CTIF: variants seen among roughly 807,000 people sequenced by gnomAD.
CTIF encodes cap binding complex dependent translation initiation factor.
In CTIF, 21 loss-of-function variants were observed where a neutral mutation model predicts 66.0. The observed-to-expected ratio is 0.32, with a 90% confidence interval of 0.23 to 0.46. The LOEUF (loss-of-function observed/expected upper bound fraction) is 0.46, where lower values mean the gene tolerates loss of function less well. CTIF is among the 20% of genes least tolerant of loss of function. CTIF has a pLI of 1.00. For synonymous variants in CTIF, 345 were observed against 326.4 expected (o/e 1.06, Z -0.62); for missense variants, 739 against 812.7 (o/e 0.91, Z 1.10).
chr18:48,853,253 G>GC (rs968907256), intron 10 of CTIF, among the ~76,000 whole-genome samples: 1 of 152,124 alleles, frequency 6.6e-6, no homozygotes, highest in Non-Finnish European at 1.5e-5. Flanking sequence ...TATGTCAGGG[G>GC]CCGCAGAAAA....
At chr18:48,747,330 C>G (rs1423223876) in intron 7 of CTIF, among the ~76,000 whole-genome samples, 1 of 152,216 alleles carries the variant, frequency 6.6e-6, no homozygotes, top group Non-Finnish European at 1.5e-5. Flanking sequence ...CAGCAAGCTC[C>G]CCAGTAGGTT....
At chr18:48,739,888 C>T (rs972492841) in intron 7 of CTIF, among the ~76,000 whole-genome samples, 14 of 152,246 alleles carry the variant, frequency 9.2e-5, no homozygotes, top group African/African-American at 3.4e-4. Flanking sequence ...GGATGTCTGC[C>T]TGGCCATCTG....
At chr18:48,748,193 C>T (rs367710857) in intron 7 of CTIF, among the ~76,000 whole-genome samples, 26 of 151,998 alleles carry the variant, frequency 1.7e-4, no homozygotes, top group African/African-American at 4.6e-4. Flanking sequence ...AGGGGCGAGA[C>T]GGGGGTTCGG....
chr18:48,661,250 T>C (rs2091340922), intron 3 of CTIF, among the ~76,000 whole-genome samples: 1 of 152,134 alleles, frequency 6.6e-6, no homozygotes. Context: ...CAGAGAACAT[T>C]GGGTATTTAA....
intron 1 of CTIF, among the ~76,000 whole-genome samples, chr18:48,587,319 A>G (rs1056338744): frequency 2.0e-5 from 3 of 151,814 alleles, no homozygotes; most frequent in African/African-American, 7.2e-5. Context: ...TGACCTCATG[A>G]TCCATCCACC....
intron 1 of CTIF, among the ~76,000 whole-genome samples, chr18:48,553,479 C>A (rs2088938620): frequency 6.6e-6 from 1 of 152,130 alleles, no homozygotes; most frequent in Admixed American, 6.5e-5. Flanking sequence ...TCCCGGAATG[C>A]AGACTGTAAC....
At position 48,761,608 on chromosome 18, in the gene CTIF, C is replaced by G; in HGVS notation, c.1290C>G (p.Thr430=). The G allele has an allele frequency of 6.2e-7, 1 of 1,614,176 alleles. No individual in the cohort carries two copies. The highest frequency in any genetic ancestry group is 1.1e-5 in the South Asian group (1 of 91,082). The change falls in exon 9 of 12, where the codon ACC becomes ACG. Residue 430 remains threonine (T), a synonymous_variant. Coordinates refer to ENST00000256413, the MANE Select transcript of CTIF (RefSeq NM_014772.3). The surrounding 1 kb of genome is among the most constrained non-coding windows in gnomAD (Gnocchi z 4.2). ...TGTCCGACCGCAGCTTCGCCTTCAC[C>G]GCTGCCAAGCTCTGCGACAAGATGG... is the stretch of plus-strand genomic sequence containing the variant. ...KAVSDRSFAF[T]AAKLCDKMAL...
At chr18:48,702,538 C>T (rs1039722009) in intron 6 of CTIF, among the ~76,000 whole-genome samples, 2 of 152,168 alleles carry the variant, frequency 1.3e-5, no homozygotes, top group Admixed American at 6.5e-5. Flanking sequence ...TTTAGGTTCA[C>T]GCCACAGGGC....
intron 10 of CTIF, among the ~76,000 whole-genome samples, chr18:48,821,330 TC>T (rs2068479770): frequency 6.6e-6 from 1 of 152,258 alleles, no homozygotes; most frequent in Non-Finnish European, 1.5e-5. Flanking sequence ...CCTCGTGTGT[TC>T]TTTTCTCTTT....
At chr18:48,819,835 C>T (rs1012804008) in intron 10 of CTIF, among the ~76,000 whole-genome samples, 19 of 152,224 alleles carry the variant, frequency 1.2e-4, no homozygotes, top group Admixed American at 3.9e-4. Flanking sequence ...AACTGCACCA[C>T]GTTGGGAAGC....
chr18:48,660,890 A>G (rs299751), intron 3 of CTIF, among the ~76,000 whole-genome samples: 27,365 of 152,160 alleles, frequency 0.18, 3,071 homozygotes, highest in African/African-American at 0.32. Context: ...CCTTCTCTAC[A>G]TAGTTGCTCT....
chr18:48,752,619 T>G (rs531635039), intron 7 of CTIF, among the ~76,000 whole-genome samples: 2 of 152,224 alleles, frequency 1.3e-5, no homozygotes, highest in South Asian at 4.2e-4. Context: ...CAACTGCCCC[T>G]CAGGTGGGGA....
intron 9 of CTIF, among the ~76,000 whole-genome samples, chr18:48,793,437 G>A (rs2067837710): frequency 6.6e-6 from 1 of 152,182 alleles, no homozygotes; most frequent in African/African-American, 2.4e-5. Context: ...TATAACTCAG[G>A]CCTTTCCCCA....
chr18:48,761,576 A>C lies in CTIF; in HGVS notation c.1258A>C (p.Lys420Gln). ...LGEIVRTIYQKAVSDRSFAFT... is the reference protein window; with the variant it reads ...LGEIVRTIYQQAVSDRSFAFT... The stretch of plus-strand genomic sequence containing the variant: ...CGAGATCGTGCGCACAATCTACCAG[A>C]AGGCTGTGTCCGACCGCAGCTTCGC... The change falls in exon 9 of 12, where the codon AAG becomes CAG. Residue 420 changes from lysine to glutamine, a missense_variant. Physicochemically the swap from Lys to Gln is moderately conservative, Grantham distance 53. Coordinates refer to ENST00000256413, the MANE Select transcript of CTIF (RefSeq NM_014772.3). The surrounding 1 kb of genome is among the most constrained non-coding windows in gnomAD (Gnocchi z 4.2). The C allele has an allele frequency of 1.2e-6, 2 of 1,614,158 alleles. No individual in the cohort carries two copies.
intron 3 of CTIF, among the ~76,000 whole-genome samples, chr18:48,653,774 A>T (rs1414755064): frequency 2.6e-5 from 4 of 152,260 alleles, no homozygotes; most frequent in Admixed American, 2.6e-4. Context: ...GTACCAAAAC[A>T]GAGAGCTAGA....
chr18:48,702,494 T>C (rs1047557054), intron 6 of CTIF, among the ~76,000 whole-genome samples: 2 of 152,164 alleles, frequency 1.3e-5, no homozygotes, highest in Non-Finnish European at 2.9e-5. Context: ...TCTGGGATAG[T>C]ATTGAGAGCA....
intron 6 of CTIF, chr18:48,682,921 G>A (rs971989354): frequency 1.3e-5 from 2 of 152,294 alleles, no homozygotes; most frequent in African/African-American, 4.8e-5. Flanking sequence ...GGTGGTCAAA[G>A]CCAACACCTG....
At chr18:48,602,075 C>T (rs1285875232) in intron 1 of CTIF, among the ~76,000 whole-genome samples, 1 of 152,264 alleles carries the variant, frequency 6.6e-6, no homozygotes, top group African/African-American at 2.4e-5. Context: ...ACAGGCAGGA[C>T]ATAGTCGTCA....
Position 48,664,508 on chromosome 18 carries a change from C to A in CTIF, c.388C>A (p.Arg130=). 1 of 1,613,328 alleles carries A rather than the reference C, an allele frequency of 6.2e-7. No homozygotes were observed. The highest frequency in any genetic ancestry group is 8.5e-7 in the Non-Finnish European group (1 of 1,179,972). ...CTTCACCCAGTTCCACCGCAAAGTCCGACACACGCCCAAGCAGCCCCTGCC... is the reference window on the plus strand; with the variant it reads ...CTTCACCCAGTTCCACCGCAAAGTCAGACACACGCCCAAGCAGCCCCTGCC... ...LDFTQFHRKV[R]HTPKQPLPHI... The change falls in exon 5 of 12, where the codon CGA becomes AGA. Residue 130 remains arginine, a synonymous_variant. Transcript: ENST00000256413.
Sources: allele counts gnomAD v4.1 joint callset (sites outside exome capture counted in the v4.1 genomes callset), GRCh38; gene constraint gnomAD v4.1.1; non-coding constraint Gnocchi (gnomAD v3.1); transcripts MANE v1.5; gene names NCBI Gene and HGNC (gene_info 2026-07-23, HGNC 2026-07-21).